BPIFB1: variants seen among roughly 807,000 people sequenced by gnomAD.
BPIFB1 encodes the protein BPI fold-containing family B member 1.
A neutral mutation model predicts 55.1 loss-of-function variants in BPIFB1; 34 were observed. The observed-to-expected ratio is 0.62, with a 90% CI of 0.47 to 0.82. The LOEUF (loss-of-function observed/expected upper bound fraction) is 0.82, where lower values mean the gene tolerates loss of function less well. BPIFB1 is among the 40% of genes least tolerant of loss of function. The pLI is 0.00. For missense variants in BPIFB1, 532 were observed against 593.1 expected (o/e 0.90, Z 1.07); for synonymous variants, 236 against 245.3 (o/e 0.96, Z 0.35).
intron 6 of BPIFB1, among the ~76,000 whole-genome samples, chr20:33,295,146 C>T (rs1347579595): frequency 6.6e-6 from 1 of 151,498 alleles, no homozygotes; most frequent in Non-Finnish European, 1.5e-5. Flanking sequence ...ACCCAAGAGG[C>T]GGAGGTTGCA....
chr20:33,301,025 G>C (rs1440698818), intron 8 of BPIFB1, among the ~76,000 whole-genome samples: 3 of 152,296 alleles, frequency 2.0e-5, no homozygotes, highest in Non-Finnish European at 2.9e-5. Context: ...AAAAAACGAA[G>C]ATATCTGGTA....
At chr20:33,303,726 A>G (rs921299716) in intron 11 of BPIFB1, among the ~76,000 whole-genome samples, 3 of 152,172 alleles carry the variant, frequency 2.0e-5, no homozygotes, top group Non-Finnish European at 2.9e-5. Context: ...CGTCATCGTC[A>G]TCATTATCAT....
intron 8 of BPIFB1, 31 bp downstream of exon 8, chr20:33,300,015 G>T (rs777593352): frequency 6.3e-7 from 1 of 1,586,794 alleles, no homozygotes; most frequent in Admixed American, 1.7e-5. Context: ...AGGGTGAAGT[G>T]GGGACATTGC....
chr20:33,293,725 C>T (rs1980543892), intron 6 of BPIFB1, among the ~76,000 whole-genome samples: 1 of 152,114 alleles, frequency 6.6e-6, no homozygotes, highest in Non-Finnish European at 1.5e-5. Context: ...CCTATGGTCC[C>T]AGCTACTCAG....
chr20:33,303,220 A>G lies in BPIFB1; in HGVS notation c.1140+146A>G, dbSNP rs1230225125. ...GACAGGGAGCTCTGAACCAAGAGCC[A>G]GGAGCTTTGTGGGTCCAATTCTAAC... On this transcript the variant is annotated intron_variant, in intron 11 of 15. Coordinates refer to ENST00000253354, the MANE Select transcript of BPIFB1 (RefSeq NM_033197.3). 3 of 1,031,526 alleles carry G rather than the reference A, an allele frequency of 2.9e-6. No homozygotes were observed. In the East Asian group the frequency reaches 7.7e-5, roughly 27 times the overall value. 63.9% of individuals were successfully genotyped at this position (1,031,526 alleles called of 1,614,324 possible).
intron 1 of BPIFB1, among the ~76,000 whole-genome samples, chr20:33,284,700 AG>A (rs1430356775): frequency 6.6e-6 from 1 of 152,080 alleles, no homozygotes; most frequent in African/African-American, 2.4e-5. Flanking sequence ...GACAGTCCAC[AG>A]GGGCAGGAGC....
At chr20:33,288,926 C>T (rs775809483) in intron 3 of BPIFB1, 44 bp downstream of exon 3, 20 of 1,582,564 alleles carry the variant, frequency 1.3e-5, no homozygotes, top group Non-Finnish European at 1.7e-5. Context: ...CCTTCCCACA[C>T]CTTTGCCCGG....
At position 33,298,976 on chromosome 20, in the gene BPIFB1, C is replaced by CTTTTT. The variant is rs35028429; in HGVS notation, c.662-912_662-908dup. On this transcript the variant is annotated intron_variant, in intron 7 of 15. Coordinates refer to ENST00000253354, the MANE Select transcript of BPIFB1 (RefSeq NM_033197.3). ...CGGGGACCTTATTGACTTTAATATACTTTTTTTTTTTTTTTGGAGACGGAC... is the reference window on the plus strand; with the variant it reads ...CGGGGACCTTATTGACTTTAATATACTTTTTTTTTTTTTTTTTTTTGGAGACGGAC... 2.4e-3 allele frequency: 579 copies of CTTTTT among 244,848 alleles called. 10 individuals carry two copies. Among genetic ancestry groups the CTTTTT allele is most frequent in the African/African-American group, 0.016 (542 of 34,862 alleles). 15.2% of individuals were successfully genotyped at this position (244,848 alleles called of 1,614,324 possible).
intron 11 of BPIFB1, 110 bp downstream of exon 11, chr20:33,303,184 C>T: frequency 2.2e-6 from 3 of 1,392,442 alleles, no homozygotes; most frequent in South Asian, 1.3e-5. Context: ...CATCACTTAG[C>T]AGGGACAGGG....
chr20:33,302,507 T>C, intron 10 of BPIFB1, 95 bp downstream of exon 10: 3 of 1,373,164 alleles, frequency 2.2e-6, no homozygotes, highest in Non-Finnish European at 3.1e-6. Context: ...AGTGTTTCAT[T>C]CCAGCACTGG....
chr20:33,307,108 C>T, intron 15 of BPIFB1, 121 bp downstream of exon 15: 2 of 843,594 alleles, frequency 2.4e-6, no homozygotes, highest in East Asian at 5.1e-5. Flanking sequence ...CAAGTCCCTT[C>T]CCCTCTCAGG....
intron 1 of BPIFB1, among the ~76,000 whole-genome samples, chr20:33,285,436 G>A (rs1980232260): frequency 6.6e-6 from 1 of 151,640 alleles, no homozygotes; most frequent in African/African-American, 2.4e-5. Context: ...AATACAGGCT[G>A]GGCGCGGTGG....
intron 11 of BPIFB1, among the ~76,000 whole-genome samples, chr20:33,303,461 C>T (rs113126412): frequency 6.6e-5 from 10 of 152,200 alleles, no homozygotes; most frequent in Non-Finnish European, 1.5e-4. Flanking sequence ...AAGCTATTCC[C>T]TCATGGTAGT....
At chr20:33,296,460 T>C (rs1259821714) in intron 6 of BPIFB1, among the ~76,000 whole-genome samples, 1 of 152,206 alleles carries the variant, frequency 6.6e-6, no homozygotes, top group East Asian at 1.9e-4. Context: ...CTTGGAGCAC[T>C]GCCCTGAAAA....
chr20:33,292,851 C>T (rs958035026), intron 6 of BPIFB1, among the ~76,000 whole-genome samples: 2 of 152,250 alleles, frequency 1.3e-5, no homozygotes, highest in South Asian at 2.1e-4. Flanking sequence ...ATGGGCCACC[C>T]GATCTAGGGT....
At chr20:33,300,121 C>A in intron 8 of BPIFB1, 137 bp downstream of exon 8, 1 of 741,646 alleles carries the variant, frequency 1.3e-6, no homozygotes, top group South Asian at 1.6e-5. Flanking sequence ...CTAGAAAAAT[C>A]ACTGCAGGCT....
intron 6 of BPIFB1, among the ~76,000 whole-genome samples, chr20:33,294,318 G>A (rs989170021): frequency 2.6e-5 from 4 of 152,066 alleles, no homozygotes; most frequent in African/African-American, 9.7e-5. Flanking sequence ...AGATGAGAAG[G>A]GAGGGAACCA....
intron 2 of BPIFB1, among the ~76,000 whole-genome samples, chr20:33,287,063 C>T (rs6119362): frequency 1.3e-5 from 2 of 151,986 alleles, no homozygotes; most frequent in East Asian, 1.9e-4. Flanking sequence ...CTGTAGCCAG[C>T]GGATGGATTC....
chr20:33,288,046 G>A (rs1980329077), intron 2 of BPIFB1, among the ~76,000 whole-genome samples: 1 of 152,198 alleles, frequency 6.6e-6, no homozygotes, highest in Admixed American at 6.5e-5. Context: ...GATACACAAT[G>A]AGGGACACAC....
Sources: gnomAD v4.1 joint callset for allele counts (sites outside exome capture counted in the v4.1 genomes callset) on GRCh38, gnomAD v4.1.1 for gene constraint, MANE v1.5 for transcripts, NCBI Gene and HGNC (gene_info 2026-07-23, HGNC 2026-07-21) for gene names.